The following FAM78A variants were observed in gnomAD, a reference collection of about 807,000 sequenced individuals.
The protein encoded by FAM78A is protein FAM78A.
In FAM78A, 12 loss-of-function variants were observed where a neutral mutation model predicts 22.6. That is an observed-to-expected ratio of 0.53 (90% CI 0.34 to 0.86). The LOEUF (loss-of-function observed/expected upper bound fraction) is 0.86, where lower values mean the gene tolerates loss of function less well. Among genes scored for constraint, FAM78A ranks in the 40% least tolerant of loss-of-function variants. The pLI is 0.02. For synonymous variants in FAM78A, 151 were observed against 155.8 expected (o/e 0.97, Z 0.23); for missense variants, 322 against 396.1 (o/e 0.81, Z 1.59).
chr9:131,264,823 A>G, intron 1 of FAM78A: 2 of 526,944 alleles, frequency 3.8e-6, no homozygotes, highest in Non-Finnish European at 6.8e-6. Flanking sequence ...TCCCAGGTTC[A>G]AGTGATTCTT....
At position 131,261,890 on chromosome 9, in the gene FAM78A, C is replaced by A. The variant is rs1324760653; in HGVS notation, c.324-540G>T. ...CTGCGCCCACTGCGCCTTCTGCTCACCTACGTGCACAGCGGGTACTCCCAG... is the reference window on the plus strand; with the variant it reads ...CTGCGCCCACTGCGCCTTCTGCTCAACTACGTGCACAGCGGGTACTCCCAG... On this transcript the variant is annotated intron_variant, in intron 1 of 1. Coordinates refer to ENST00000372271, the MANE Select transcript of FAM78A (RefSeq NM_033387.4). This position sits in a 1 kb window ranked among gnomAD's most constrained non-coding sequence, Gnocchi z 7.1. Among the ~76,000 whole-genome samples the A allele has an allele frequency of 1.3e-5, 2 of 152,202 alleles. No individual in the cohort carries two copies. Among genetic ancestry groups the A allele is most frequent in the African/African-American group, 2.4e-5 (1 of 41,440 alleles).
intron 1 of FAM78A, chr9:131,264,403 A>T (rs958397411): frequency 8.6e-6 from 5 of 580,494 alleles, no homozygotes; most frequent in African/African-American, 7.5e-5. Flanking sequence ...GGCTGCGTGG[A>T]TCCCTCCACC....
rs761365303 is a variant in FAM78A at position 131,274,487 on chromosome 9, C to T, written c.323+1370G>A. Among the ~76,000 whole-genome samples, 11 of 152,184 alleles carry T rather than the reference C, an allele frequency of 7.2e-5. No homozygotes were observed. Among genetic ancestry groups the T allele is most frequent in the Non-Finnish European group, 1.5e-4 (10 of 68,026 alleles). On this transcript the variant is annotated intron_variant, in intron 1 of 1. Transcript: ENST00000372271. This position sits in a 1 kb window ranked among gnomAD's most constrained non-coding sequence, Gnocchi z 4.2. ...ACTGGATTACTAGCTGCTCTTGAGA[C>T]ACAAAGGGGTTGGCACAGAAATCAG...
At position 131,276,200 on chromosome 9, in the gene FAM78A, G is replaced by C. The variant is rs768937808; in HGVS notation, c.-21C>G. ...GGCATTGAAAGGACAGAGGCTGCAG[G>C]ACCCAGTACAGACGGCGCTGCTCTC... is the stretch of plus-strand genomic sequence containing the variant. On this transcript the variant is annotated 5_prime_UTR_variant, in exon 1 of 2. Transcript: ENST00000372271. This position sits in a 1 kb window ranked among gnomAD's most constrained non-coding sequence, Gnocchi z 4.3. 6.3e-7 allele frequency: 1 copy of C among 1,594,414 alleles called. No individual in the cohort carries two copies. Among genetic ancestry groups the C allele is most frequent in the Non-Finnish European group, 8.6e-7 (1 of 1,168,380 alleles).
At chr9:131,271,759 G>A (rs189572857) in intron 1 of FAM78A, among the ~76,000 whole-genome samples, 23 of 152,320 alleles carry the variant, frequency 1.5e-4, no homozygotes, top group African/African-American at 5.3e-4. Context: ...GGCAAACCAG[G>A]GACAACGTGG....
At chr9:131,267,298 G>C (rs1418779869) in intron 1 of FAM78A, among the ~76,000 whole-genome samples, 2 of 152,224 alleles carry the variant, frequency 1.3e-5, no homozygotes, top group Non-Finnish European at 2.9e-5. Flanking sequence ...GGCTGGAGGT[G>C]AGGGGGCATC....
rs1835472232 is a variant in FAM78A at position 131,275,635 on chromosome 9, A to C, written c.323+222T>G. Among the ~76,000 whole-genome samples the C allele has an allele frequency of 6.6e-6, 1 of 152,252 alleles. No individual in the cohort carries two copies. The highest frequency in any genetic ancestry group is 1.5e-5 in the Non-Finnish European group (1 of 68,044). On this transcript the variant is annotated intron_variant, in intron 1 of 1. Transcript: ENST00000372271. The surrounding 1 kb of genome is among the most constrained non-coding windows in gnomAD (Gnocchi z 4.6). ...ACAGGAACCCGGGGGGAACAGTGGC[A>C]GGGTAGATTGCAGGACCGTGACTCC...
rs753728114 is a variant in FAM78A, at chr9:131,260,812, G to A, written c.*10C>T. ...ATTTGTGAGTCTAACCTAGCGGGTG[G>A]TCCTGGCTGTCACCGGTGCTTGGGC... On this transcript the variant is annotated 3_prime_UTR_variant, in exon 2 of 2. Coordinates refer to ENST00000372271, the MANE Select transcript of FAM78A (RefSeq NM_033387.4). This position sits in a 1 kb window ranked among gnomAD's most constrained non-coding sequence, Gnocchi z 5.4. 2 of 1,515,920 alleles carry A rather than the reference G, an allele frequency of 1.3e-6. No homozygotes were observed. Among genetic ancestry groups the A allele is most frequent in the Admixed American group, 4.5e-5 (2 of 44,224 alleles). 93.9% of individuals were successfully genotyped at this position (1,515,920 alleles called of 1,614,324 possible). A position where few individuals can be genotyped will look rare whatever the true frequency, so the allele number is the denominator to read the frequency against.
chr9:131,274,916 C>A lies in FAM78A; in HGVS notation c.323+941G>T, dbSNP rs143511038. 3.3e-3 allele frequency among the ~76,000 whole-genome samples: 508 copies of A among 152,328 alleles called. 3 individuals carry two copies. Among genetic ancestry groups the A allele is most frequent in the African/African-American group, 0.012 (486 of 41,570 alleles). On this transcript the variant is annotated intron_variant, in intron 1 of 1. Coordinates refer to ENST00000372271, the MANE Select transcript of FAM78A (RefSeq NM_033387.4). This position sits in a 1 kb window ranked among gnomAD's most constrained non-coding sequence, Gnocchi z 4.2. Reference sequence around the variant, plus strand: ...CACGGGGCCGCATGGGTGGGCTGCCCGCCGGGGCCTGCCTAGCTCTCTCCA... The same window carrying A: ...CACGGGGCCGCATGGGTGGGCTGCCAGCCGGGGCCTGCCTAGCTCTCTCCA...
intron 1 of FAM78A, chr9:131,262,783 G>A (rs951900052): frequency 6.6e-6 from 1 of 152,122 alleles, no homozygotes; most frequent in Non-Finnish European, 1.5e-5. Flanking sequence ...AGTGAAATAA[G>A]CCAGCCACAA....
rs1007272428 is a variant in FAM78A, at chr9:131,275,619, C to G, written c.323+238G>C. ...TCTTGCAGGGAAGGACACAGGAACC[C>G]GGGGGGAACAGTGGCAGGGTAGATT... is the stretch of plus-strand genomic sequence containing the variant. On this transcript the variant is annotated intron_variant, in intron 1 of 1. Coordinates refer to ENST00000372271, the MANE Select transcript of FAM78A (RefSeq NM_033387.4). This position sits in a 1 kb window ranked among gnomAD's most constrained non-coding sequence, Gnocchi z 4.6. Among the ~76,000 whole-genome samples, 3 of 152,178 alleles carry G rather than the reference C, an allele frequency of 2.0e-5. No individual in the cohort carries two copies. Among genetic ancestry groups the G allele is most frequent in the Admixed American group, 6.5e-5 (1 of 15,268 alleles).
At chr9:131,271,388 G>C (rs1463127640) in intron 1 of FAM78A, among the ~76,000 whole-genome samples, 1 of 152,200 alleles carries the variant, frequency 6.6e-6, no homozygotes, top group African/African-American at 2.4e-5. Flanking sequence ...ACGATTCATA[G>C]CTATGGTATT....
Position 131,276,017 on chromosome 9 carries a change from C to T in FAM78A, c.163G>A (p.Asp55Asn). Residue 55 changes from aspartate to asparagine, a missense_variant, in exon 1 of 2, where the codon GAT (aspartate) becomes AAT (asparagine). Physicochemically the swap from Asp to Asn is conservative, Grantham distance 23 (BLOSUM62 1). Coordinates refer to ENST00000372271, the MANE Select transcript of FAM78A (RefSeq NM_033387.4). This position sits in a 1 kb window ranked among gnomAD's most constrained non-coding sequence, Gnocchi z 4.3. Reference sequence around the variant, plus strand: ...CGGAGCACCACGCTGGAGGACTCATCGATGCTAGTGGGGACGGGGTCGATG... The same window carrying T: ...CGGAGCACCACGCTGGAGGACTCATTGATGCTAGTGGGGACGGGGTCGATG... ...ASIDPVPTSI[D>N]ESSSVVLRYR... 2 of 1,613,734 alleles carry T rather than the reference C, an allele frequency of 1.2e-6. No homozygotes were observed. Among genetic ancestry groups the T allele is most frequent in the Non-Finnish European group, 1.7e-6 (2 of 1,180,036 alleles).
At chr9:131,279,653 C>G (rs980803440), upstream of FAM78A, among the ~76,000 whole-genome samples, 2 of 152,170 alleles carry the variant, frequency 1.3e-5, no homozygotes, top group African/African-American at 4.8e-5. Flanking sequence ...GGTGATTTCC[C>G]GGGGGTGGGC....
chr9:131,270,657 G>A (rs1264928967), intron 1 of FAM78A: 5 of 631,232 alleles, frequency 7.9e-6, no homozygotes, highest in Admixed American at 2.3e-5. Context: ...GCAGATGGGG[G>A]AGGCCGCCTT....
At chr9:131,280,604 G>A (rs1835533365), upstream of FAM78A, among the ~76,000 whole-genome samples, 1 of 152,202 alleles carries the variant, frequency 6.6e-6, no homozygotes, top group Non-Finnish European at 1.5e-5. Context: ...ACACTGGGAT[G>A]GCCACTTGGG....
intron 1 of FAM78A, chr9:131,270,130 C>A (rs993263224): frequency 1.6e-5 from 10 of 613,612 alleles, no homozygotes; most frequent in Non-Finnish European, 2.9e-5. Context: ...CGCTTGAACC[C>A]GGGAGGCGGA....
chr9:131,271,535 G>T (rs1039265473), intron 1 of FAM78A, among the ~76,000 whole-genome samples: 3 of 152,184 alleles, frequency 2.0e-5, no homozygotes, highest in Non-Finnish European at 2.9e-5. Flanking sequence ...TAAGAGGCTG[G>T]CCCAAGGGTT....
upstream of FAM78A, among the ~76,000 whole-genome samples, chr9:131,277,918 G>T (rs1422612136): frequency 6.7e-6 from 1 of 149,768 alleles, no homozygotes; most frequent in Non-Finnish European, 1.5e-5. This position sits in a 1 kb window ranked among gnomAD's most constrained non-coding sequence, Gnocchi z 8.4. Flanking sequence ...GTCAAACTTT[G>T]CAGAAACTCG....
Sources: allele counts gnomAD v4.1 joint callset (sites outside exome capture counted in the v4.1 genomes callset), GRCh38; gene constraint gnomAD v4.1.1; non-coding constraint Gnocchi (gnomAD v3.1); transcripts MANE v1.5; gene names NCBI Gene and HGNC (gene_info 2026-07-23, HGNC 2026-07-21).